The following AMPH variants were observed in gnomAD, a reference collection of about 807,000 sequenced individuals.
AMPH encodes amphiphysin, also known as amphiphysin (Stiff-Mann syndrome with breast cancer 128kD autoantigen).
Under a neutral mutation model 99.1 loss-of-function variants are expected in AMPH, and 49 were observed. The ratio of observed to expected loss-of-function variants is 0.49; its 90% CI spans 0.39 to 0.63. The LOEUF (loss-of-function observed/expected upper bound fraction) is 0.63. AMPH is among the 20% of genes least tolerant of loss of function. AMPH has a pLI of 0.00. For missense variants in AMPH, 759 were observed against 863.4 expected (o/e 0.88, Z 1.52); for synonymous variants, 314 against 317.3 (o/e 0.99, Z 0.11).
chr7:38,389,715 T>C, intron 20 of AMPH, 89 bp downstream of exon 20: 13 of 1,023,650 alleles, frequency 1.3e-5, no homozygotes, highest in Non-Finnish European at 1.8e-5. Context: ...TCTCAGAAAA[T>C]AGAAACATCT....
chr7:38,606,892 G>A (rs1584298111), intron 1 of AMPH, among the ~76,000 whole-genome samples: 2 of 152,132 alleles, frequency 1.3e-5, no homozygotes, highest in East Asian at 3.9e-4. Context: ...CCTTTTTAAA[G>A]CTAAATAATA....
At chr7:38,454,785 G>A (rs755850375) in intron 11 of AMPH, among the ~76,000 whole-genome samples, 2 of 152,074 alleles carry the variant, frequency 1.3e-5, no homozygotes, top group Non-Finnish European at 2.9e-5. Flanking sequence ...GATGTTTATC[G>A]AAGTGCTGGT....
At chr7:38,569,261 T>TA (rs1394817175) in intron 1 of AMPH, among the ~76,000 whole-genome samples, 171 of 151,438 alleles carry the variant, frequency 1.1e-3, no homozygotes, top group African/African-American at 3.9e-3. Flanking sequence ...TTTCTACTGT[T>TA]TAAAAAAAAA....
In AMPH at chr7:38,560,060, T is replaced by G. The variant is rs537882113; in HGVS notation, c.70-25049A>C. On this transcript the variant is annotated intron_variant, in intron 1 of 20. Coordinates refer to ENST00000356264, the MANE Select transcript of AMPH (RefSeq NM_001635.4). ...CCCACAAAATCTTTCATTTCCTGTA[T>G]GCAGTCTGCTTCGCAGTGTGACCCT... Among the ~76,000 whole-genome samples the G allele has an allele frequency of 6.6e-4, 101 of 152,384 alleles. 1 individual carries two copies. The highest frequency in any genetic ancestry group is 2.3e-3 in the African/African-American group (96 of 41,592).
chr7:38,394,258 C>A, intron 17 of AMPH, 44 bp from the exon 18 acceptor site: 1 of 1,598,518 alleles, frequency 6.3e-7, no homozygotes, highest in Non-Finnish European at 8.6e-7. Context: ...TCTCCATGGG[C>A]CTCTGCCAGG....
intron 17 of AMPH, among the ~76,000 whole-genome samples, chr7:38,411,782 C>G (rs1785223898): frequency 6.6e-6 from 1 of 152,028 alleles, no homozygotes; most frequent in Non-Finnish European, 1.5e-5. Context: ...CTGAATGGGT[C>G]TGGTCTTACA....
chr7:38,493,429 G>A (rs1036365219), intron 4 of AMPH, among the ~76,000 whole-genome samples: 1 of 152,098 alleles, frequency 6.6e-6, no homozygotes, highest in South Asian at 2.1e-4. Flanking sequence ...CCACACAAAG[G>A]CAATAAGTGT....
At chr7:38,553,737 C>T (rs1791261119) in intron 1 of AMPH, among the ~76,000 whole-genome samples, 2 of 152,190 alleles carry the variant, frequency 1.3e-5, no homozygotes, top group African/African-American at 4.8e-5. Context: ...AACTCCAAAA[C>T]TCAAATTGAT....
At chr7:38,572,423 A>C (rs1159443608) in intron 1 of AMPH, among the ~76,000 whole-genome samples, 1 of 152,196 alleles carries the variant, frequency 6.6e-6, no homozygotes, top group Non-Finnish European at 1.5e-5. Context: ...CATGATGCTC[A>C]CACAACAATA....
intron 6 of AMPH, 45 bp downstream of exon 6, chr7:38,476,817 T>A: frequency 7.0e-7 from 1 of 1,420,482 alleles, no homozygotes; most frequent in African/African-American, 1.4e-5. Flanking sequence ...CTGCAACAGG[T>A]CATAAAATAC....
chr7:38,403,669 G>A (rs1784903657), intron 17 of AMPH, among the ~76,000 whole-genome samples: 1 of 152,236 alleles, frequency 6.6e-6, no homozygotes, highest in Admixed American at 6.5e-5. Context: ...CGCCCCGAGG[G>A]AAGGGGGAAT....
intron 2 of AMPH, among the ~76,000 whole-genome samples, chr7:38,525,080 A>G (rs1419835004): frequency 1.3e-5 from 2 of 151,916 alleles, no homozygotes; most frequent in East Asian, 3.9e-4. Flanking sequence ...GATATATTTT[A>G]AATGAAGTTT....
intron 9 of AMPH, 132 bp downstream of exon 9, chr7:38,465,335 G>A (rs1787610152): frequency 1.5e-6 from 1 of 666,112 alleles, no homozygotes; most frequent in Admixed American, 3.4e-5. Context: ...AATAAAATTA[G>A]TGTCAGCTTC....
At chr7:38,526,277 T>C (rs546253081) in intron 2 of AMPH, among the ~76,000 whole-genome samples, 2 of 151,758 alleles carry the variant, frequency 1.3e-5, no homozygotes, top group African/African-American at 2.4e-5. Context: ...CTTTTCTTTT[T>C]TTTTTTTTCT....
intron 1 of AMPH, among the ~76,000 whole-genome samples, chr7:38,536,025 A>G (rs969900656): frequency 3.3e-5 from 5 of 152,166 alleles, no homozygotes; most frequent in African/African-American, 1.2e-4. Context: ...TAAACACTCA[A>G]AGAAATCATG....
At chr7:38,452,237 T>C (rs1787066545) in intron 11 of AMPH, among the ~76,000 whole-genome samples, 1 of 152,240 alleles carries the variant, frequency 6.6e-6, no homozygotes, top group Non-Finnish European at 1.5e-5. Context: ...GCTGGGGACA[T>C]AGATCAATCT....
chr7:38,519,050 A>G (rs1789855974), intron 2 of AMPH, among the ~76,000 whole-genome samples: 1 of 152,226 alleles, frequency 6.6e-6, no homozygotes, highest in Admixed American at 6.5e-5. Context: ...GATAAAAAGG[A>G]TAAGTTCAAC....
chr7:38,534,087 T>C (rs948162188), intron 2 of AMPH, among the ~76,000 whole-genome samples: 1 of 152,306 alleles, frequency 6.6e-6, no homozygotes, highest in African/African-American at 2.4e-5. Flanking sequence ...CTTTTTTTTC[T>C]GAATTACACC....
intron 16 of AMPH, chr7:38,418,161 CCAT>C (rs1313770625): frequency 2.5e-6 from 1 of 404,734 alleles, no homozygotes. Context: ...TTCTGCTTTA[CCAT>C]CATCAAGACT....
Sources: gnomAD v4.1 joint callset for allele counts (sites outside exome capture counted in the v4.1 genomes callset) on GRCh38, gnomAD v4.1.1 for gene constraint, MANE v1.5 for transcripts, NCBI Gene and HGNC (gene_info 2026-07-23, HGNC 2026-07-21) for gene names.